The following ZDHHC11 variants were observed in gnomAD, a reference collection of about 807,000 sequenced individuals.
ZDHHC11 encodes the protein zDHHC palmitoyltransferase 11.
ZDHHC11 carries 44 observed loss-of-function variants against 51.3 expected under a neutral mutation model. The observed-to-expected ratio is 0.86, with a 90% CI of 0.67 to 1.10. The LOEUF (loss-of-function observed/expected upper bound fraction) is 1.10, where lower values mean the gene tolerates loss of function less well. ZDHHC11 is among the 50% of genes least tolerant of loss of function. ZDHHC11 has a pLI of 0.00. For synonymous variants in ZDHHC11, 163 were observed against 222.0 expected, an observed-to-expected ratio of 0.73 and a Z score of 2.36; for missense variants, 400 against 537.7, an observed-to-expected ratio of 0.74 and a Z score of 2.53.
intron 3 of ZDHHC11, among the ~76,000 whole-genome samples, chr5:846,535 G>T (rs1746195722): frequency 6.7e-6 from 1 of 149,622 alleles, no homozygotes; most frequent in African/African-American, 2.5e-5. Context: ...CGTGCTCAGG[G>T]GAAACACGTC....
At chr5:800,548 T>A (rs761833564) in intron 12 of ZDHHC11, among the ~76,000 whole-genome samples, 2 of 151,508 alleles carry the variant, frequency 1.3e-5, no homozygotes, top group African/African-American at 4.9e-5. Flanking sequence ...GCAGAGCATG[T>A]CTGGATGGTT....
chr5:838,471 C>T (rs1224129173), intron 5 of ZDHHC11, among the ~76,000 whole-genome samples: 10 of 152,152 alleles, frequency 6.6e-5, no homozygotes, highest in Admixed American at 5.2e-4. Context: ...TGGCGGTGGG[C>T]GCCCTGGGGA....
intron 5 of ZDHHC11, chr5:840,273 G>A: frequency 1.3e-6 from 1 of 788,032 alleles, no homozygotes. Context: ...TGGGCCTGCT[G>A]GGTCCTCATG....
intron 3 of ZDHHC11, among the ~76,000 whole-genome samples, chr5:847,230 C>T (rs1308664132): frequency 4.0e-5 from 6 of 151,732 alleles, no homozygotes; most frequent in Admixed American, 6.6e-5. Flanking sequence ...CCCAGGACAG[C>T]GTGGTCAGGA....
chr5:822,279 A>T (rs1275393558), intron 8 of ZDHHC11, among the ~76,000 whole-genome samples: 2 of 151,258 alleles, frequency 1.3e-5, no homozygotes, highest in African/African-American at 4.9e-5. Context: ...CAGAGGGAAG[A>T]CTGTGAGAGG....
At chr5:844,389 G>A (rs1327784732) in intron 3 of ZDHHC11, among the ~76,000 whole-genome samples, 54 of 152,380 alleles carry the variant, frequency 3.5e-4, no homozygotes, top group Non-Finnish European at 5.7e-4. Context: ...GGTCAGAGAT[G>A]CGGTGCGACT....
rs534113906 is a variant in ZDHHC11 at position 821,621 on chromosome 5, A to G, written c.1058+240T>C. Among the ~76,000 whole-genome samples the G allele has an allele frequency of 1.2e-4, 18 of 145,760 alleles. 1 individual carries two copies. Among genetic ancestry groups the G allele is most frequent in the Non-Finnish European group, 2.4e-4 (16 of 67,046 alleles). On this transcript the variant is annotated intron_variant, in intron 9 of 12. Coordinates refer to ENST00000283441, the MANE Select transcript of ZDHHC11 (RefSeq NM_024786.3). ...ACTGTGGACTTTTGCTGCAGGAACC[A>G]CCAAGGAGCGTACCAGGAAAAAAAC...
chr5:828,861 C>A (rs1239319161), intron 7 of ZDHHC11, among the ~76,000 whole-genome samples: 1 of 137,636 alleles, frequency 7.3e-6, no homozygotes, highest in South Asian at 2.4e-4. Context: ...CATGAAATTA[C>A]ACAAATATGT....
At position 850,557 on chromosome 5, in the gene ZDHHC11, T is replaced by C. The variant is rs767025416; in HGVS notation, c.46A>G (p.Ile16Val). 18 of 1,613,560 alleles carry C rather than the reference T, an allele frequency of 1.1e-5. No individual in the cohort carries two copies. The highest frequency in any genetic ancestry group is 2.2e-5 in the South Asian group (2 of 91,080). ...GSQCSVTPEA[I>V]LNNEKLVLPP... The stretch of plus-strand genomic sequence containing the variant: ...AAGACCAGCTTTTCATTATTGAGTA[T>C]GGCTTCTGGGGTGACGGAACACTGG... Residue 16 changes from isoleucine (I) to valine (V), a missense_variant, in exon 1 of 13, where the codon ATA becomes GTA. By Grantham distance (29) the Ile-to-Val change is conservative. Transcript: ENST00000283441.
intron 7 of ZDHHC11, among the ~76,000 whole-genome samples, chr5:829,771 T>C (rs1355069636): frequency 6.6e-6 from 1 of 151,408 alleles, no homozygotes; most frequent in Non-Finnish European, 1.5e-5. Context: ...TCAAACAGCA[T>C]AGCAAAAAGA....
rs929312353 is a variant in ZDHHC11 at position 822,988 on chromosome 5, C to T, written c.1024-1093G>A. Among the ~76,000 whole-genome samples the T allele has an allele frequency of 1.7e-4, 25 of 149,712 alleles. 2 individuals carry two copies. Among genetic ancestry groups the T allele is most frequent in the Non-Finnish European group, 3.4e-4 (23 of 67,328 alleles). ...GTTCAATCTTTCACCCATTTAAAAA[C>T]TGAGCTGTTGTGTATTTTTGAGTTT... On this transcript the variant is annotated intron_variant, in intron 8 of 12. Transcript: ENST00000283441.
rs770696048 is a variant in ZDHHC11, at chr5:823,686, C to T, written c.1023+1478G>A. 1.4e-4 allele frequency: 27 copies of T among 188,606 alleles called. 1 individual carries two copies. The highest frequency in any genetic ancestry group is 1.3e-3 in the East Asian group (11 of 8,294). 11.7% of individuals were successfully genotyped at this position (188,606 alleles called of 1,614,324 possible). ...AGGATTGTCCTGGAGCCCACGGAGA[C>T]GCGGGCTTGGGATTCAACATGATGC... On this transcript the variant is annotated intron_variant, in intron 8 of 12. Transcript: ENST00000283441.
intron 7 of ZDHHC11, among the ~76,000 whole-genome samples, chr5:833,480 G>A (rs1167653032): frequency 1.3e-5 from 2 of 151,906 alleles, no homozygotes; most frequent in Non-Finnish European, 2.9e-5. Context: ...ACATGTTCAT[G>A]GAGAGATGTA....
At chr5:800,790 C>A (rs1484312156) in intron 12 of ZDHHC11, among the ~76,000 whole-genome samples, 4 of 151,354 alleles carry the variant, frequency 2.6e-5, no homozygotes, top group Admixed American at 2.6e-4. Context: ...TAGATCAGTA[C>A]AATTGGGTGA....
intron 12 of ZDHHC11, among the ~76,000 whole-genome samples, chr5:797,078 G>A (rs570229339): frequency 6.6e-6 from 1 of 151,100 alleles, no homozygotes; most frequent in Admixed American, 6.6e-5. Flanking sequence ...GTGGTGGTGG[G>A]CAACTGTAGG....
intron 1 of ZDHHC11, among the ~76,000 whole-genome samples, chr5:856,125 A>G (rs1748202649): frequency 6.6e-6 from 1 of 152,094 alleles, no homozygotes; most frequent in Non-Finnish European, 1.5e-5. Flanking sequence ...GCCTGTAAGC[A>G]CGTTCATATA....
In ZDHHC11 at chr5:825,195, G is replaced by T. The variant is rs1291115018; in HGVS notation, c.992C>A (p.Ser331Ter). 1 of 1,612,884 alleles carries T rather than the reference G, an allele frequency of 6.2e-7. No homozygotes were observed. The highest frequency in any genetic ancestry group is 2.2e-5 in the East Asian group (1 of 44,886). Residue 331 changes from serine (S) to a stop codon, truncating the protein, a stop_gained, in exon 8 of 13, where the codon TCA becomes TAA. Transcript: ENST00000283441. LOFTEE classifies it high-confidence loss of function. The part of the protein sequence containing the change: ...IHKHLCHFCT[S>*]VNQDGDSTAR... Reference sequence around the variant, plus strand: ...CGTCGAATCCCCATCCTGGTTTACTGAAGTGCAGAAGTGACATAAGTGCTT... The same window carrying T: ...CGTCGAATCCCCATCCTGGTTTACTTAAGTGCAGAAGTGACATAAGTGCTT...
In ZDHHC11 at chr5:837,397, G is replaced by A. The variant is rs1195724274; in HGVS notation, c.868C>T (p.Pro290Ser). 1.2e-6 allele frequency: 2 copies of A among 1,613,632 alleles called. No homozygotes were observed. Among genetic ancestry groups the A allele is most frequent in the Non-Finnish European group, 1.7e-6 (2 of 1,179,678 alleles). Reference sequence around the variant, plus strand: ...ACTCCTTTGTCCATTTGCACGTATGGATCTTTCCTCACTGCTTGATGTTTT... The same window carrying A: ...ACTCCTTTGTCCATTTGCACGTATGAATCTTTCCTCACTGCTTGATGTTTT... ...SSKHQAVRKD[P>S]YVQMDKGVLQ... The change falls in exon 6 of 13, where the codon CCA becomes TCA. Residue 290 changes from proline to serine, a missense_variant. By Grantham distance (74) the Pro-to-Ser change is moderately conservative. Around this residue, in one of 5 missense-constraint regions of ZDHHC11, gnomAD observed 231 missense variants for 227.4 expected, o/e 1.02. Transcript: ENST00000283441.
chr5:856,913 A>C (rs922487771), intron 1 of ZDHHC11, among the ~76,000 whole-genome samples: 2 of 151,320 alleles, frequency 1.3e-5, no homozygotes, highest in African/African-American at 2.4e-5. Context: ...CACACACCAC[A>C]CACACACCAA....
Sources: gnomAD v4.1 joint callset for allele counts (sites outside exome capture counted in the v4.1 genomes callset) on GRCh38, gnomAD v4.1.1 for gene constraint, gnomAD v4.1.1 regional missense constraint, MANE v1.5 for transcripts, NCBI Gene and HGNC (gene_info 2026-07-23, HGNC 2026-07-21) for gene names.